The following GUCD1 variants were observed in gnomAD, a reference collection of about 807,000 sequenced individuals.
GUCD1 encodes guanylyl cyclase domain containing 1, also known as protein GUCD1.
A neutral mutation model predicts 28.3 loss-of-function variants in GUCD1; 17 were observed. That is an observed-to-expected ratio of 0.60 (90% CI 0.41 to 0.90). The LOEUF (loss-of-function observed/expected upper bound fraction) is 0.90. Ranked by LOEUF, GUCD1 falls within the 40% of genes least tolerant of loss-of-function variation. The probability of loss-of-function intolerance (pLI) is 0.00; values close to 1 mark genes in which losing one functional copy is unlikely to be tolerated. For missense variants in GUCD1, 279 were observed against 305.5 expected (o/e 0.91, Z 0.65); for synonymous variants, 129 against 123.3 (o/e 1.05, Z -0.30).
rs2044668601 is a variant in GUCD1, at chr22:24,544,219, C to T, written c.387-136G>A. 3.2e-6 allele frequency: 4 copies of T among 1,251,538 alleles called. No individual in the cohort carries two copies. In the East Asian group the frequency reaches 7.4e-5, roughly 23 times the overall value. 77.5% of individuals were successfully genotyped at this position (1,251,538 alleles called of 1,614,324 possible). On this transcript the variant is annotated intron_variant, in intron 4 of 5. Transcript: ENST00000435822. ...TTTTCCCTTTGCCCTGAACTCCCTG[C>T]TCTGTCACTGTGGCCCAGGCTCAGC...
At chr22:24,551,467 C>A (rs964545626) in intron 1 of GUCD1, among the ~76,000 whole-genome samples, 5 of 152,196 alleles carry the variant, frequency 3.3e-5, no homozygotes, top group African/African-American at 1.2e-4. Context: ...CTTACCGGGG[C>A]CCTGCCTAAC....
intron 4 of GUCD1, 78 bp from the exon 5 acceptor site, chr22:24,544,161 G>GT: frequency 6.5e-7 from 1 of 1,545,632 alleles, no homozygotes; most frequent in Non-Finnish European, 8.7e-7. Context: ...GCTTGTGCCT[G>GT]TTTCTCTGTT....
At position 24,545,529 on chromosome 22, in the gene GUCD1, CTAAA is replaced by C. The variant is rs554962006; in HGVS notation, c.386+1381_386+1384del. Among the ~76,000 whole-genome samples, 196 of 152,110 alleles carry C rather than the reference CTAAA, an allele frequency of 1.3e-3. 1 individual carries two copies. Among genetic ancestry groups the C allele is most frequent in the Middle Eastern group, 3.4e-3 (1 of 294 alleles). On this transcript the variant is annotated intron_variant, in intron 4 of 5. Coordinates refer to ENST00000435822, the MANE Select transcript of GUCD1 (RefSeq NM_001284254.2). ...AGGAGACAGCACCTGTTGAGGGCTG[CTAAA>C]TAAACATTTGCTGCCTTTCCTTCCA...
chr22:24,554,800 T>G (rs2044989760), intron 1 of GUCD1, 149 bp downstream of exon 1: 1 of 587,790 alleles, frequency 1.7e-6, no homozygotes. Context: ...ATCCTGCGAG[T>G]GTCAGGAAAC....
chr22:24,548,562 A>C (rs2044788763), intron 2 of GUCD1, among the ~76,000 whole-genome samples: 1 of 152,146 alleles, frequency 6.6e-6, no homozygotes, highest in Non-Finnish European at 1.5e-5. Context: ...GGTTTCTGTG[A>C]TATTCACACA....
chr22:24,540,878 C>G lies in GUCD1; in HGVS notation c.*2128G>C, dbSNP rs942364214. The G allele has an allele frequency of 2.4e-5, 4 of 165,664 alleles. No homozygotes were observed. The highest frequency in any genetic ancestry group is 9.6e-5 in the African/African-American group (4 of 41,516). 10.3% of individuals were successfully genotyped at this position (165,664 alleles called of 1,614,324 possible). A position where few individuals can be genotyped will look rare whatever the true frequency, so the allele number is the denominator to read the frequency against. ...TTTTGGCTGGACTGAGGTGCTGTTA[C>G]CACCCTCCATGAAGGCCACTCCCTA... On this transcript the variant is annotated 3_prime_UTR_variant, in exon 6 of 6. Transcript: ENST00000435822.
At position 24,543,825 on chromosome 22, in the gene GUCD1, C is replaced by T. The variant is rs763025677; in HGVS notation, c.628+17G>A. On this transcript the variant is annotated intron_variant, in intron 5 of 5. Coordinates refer to ENST00000435822, the MANE Select transcript of GUCD1 (RefSeq NM_001284254.2). ...AATGTGGACCACTCTGCCTCACCCA[C>T]CCCACCCAGCACTCACGGTCGGCAT... The T allele has an allele frequency of 1.2e-6, 2 of 1,611,900 alleles. No homozygotes were observed. The highest frequency in any genetic ancestry group is 2.2e-5 in the East Asian group (1 of 44,844).
intron 1 of GUCD1, among the ~76,000 whole-genome samples, chr22:24,550,171 T>C (rs1254549067): frequency 6.6e-6 from 1 of 152,098 alleles, no homozygotes; most frequent in East Asian, 1.9e-4. Flanking sequence ...CTGGAATGAG[T>C]CTGGCCATCC....
intron 4 of GUCD1, among the ~76,000 whole-genome samples, chr22:24,545,393 G>C (rs1380931599): frequency 6.6e-6 from 1 of 152,156 alleles, no homozygotes; most frequent in Admixed American, 6.5e-5. Flanking sequence ...GGAATAACAA[G>C]CATGGGTTCA....
intron 2 of GUCD1, 40 bp downstream of exon 2, chr22:24,548,876 AG>A (rs1401058625): frequency 2.1e-6 from 3 of 1,448,688 alleles, no homozygotes; most frequent in Non-Finnish European, 2.8e-6. Flanking sequence ...CAGAAGATGT[AG>A]ATGGGAAGCA....
intron 4 of GUCD1, 67 bp downstream of exon 4, chr22:24,546,847 C>A (rs947630429): frequency 4.4e-6 from 6 of 1,374,382 alleles, no homozygotes; most frequent in Non-Finnish European, 5.2e-6. Context: ...CCCGAGGCCT[C>A]CCCACTGCAG....
At chr22:24,552,373 A>C (rs1939609110) in intron 1 of GUCD1, among the ~76,000 whole-genome samples, 2 of 152,248 alleles carry the variant, frequency 1.3e-5, no homozygotes, top group Admixed American at 1.3e-4. Context: ...TAGAAGCACA[A>C]ATGAACTGAG....
At chr22:24,554,416 G>T (rs2044972511) in intron 1 of GUCD1, among the ~76,000 whole-genome samples, 1 of 152,214 alleles carries the variant, frequency 6.6e-6, no homozygotes, top group Non-Finnish European at 1.5e-5. Flanking sequence ...AACTCCGTTT[G>T]TCATCAACCC....
At chr22:24,554,687 A>C (rs1365550029) in intron 1 of GUCD1, among the ~76,000 whole-genome samples, 1 of 152,138 alleles carries the variant, frequency 6.6e-6, no homozygotes, top group Non-Finnish European at 1.5e-5. Context: ...ACGGTTTCCC[A>C]AGGCATGGGA....
At position 24,546,310 on chromosome 22, in the gene GUCD1, A is replaced by G. The variant is rs576483453; in HGVS notation, c.386+604T>C. The stretch of plus-strand genomic sequence containing the variant: ...CCTATCATGTGATTATACTACGTCA[A>G]TAATGAAAATATAAATCCGCAAAGA... On this transcript the variant is annotated intron_variant, in intron 4 of 5. Coordinates refer to ENST00000435822, the MANE Select transcript of GUCD1 (RefSeq NM_001284254.2). Among the ~76,000 whole-genome samples the G allele has an allele frequency of 2.6e-5, 4 of 152,344 alleles. No homozygotes were observed. The East Asian group carries it at 7.7e-4, about 29-fold the overall frequency.
intron 3 of GUCD1, chr22:24,547,339 G>C (rs897649837): frequency 1.0e-5 from 3 of 298,710 alleles, no homozygotes; most frequent in African/African-American, 6.4e-5. Context: ...ATAAGCAAGG[G>C]GGATGAGGCT....
In GUCD1 at chr22:24,545,873, G is replaced by A. The variant is rs188917674; in HGVS notation, c.386+1041C>T. On this transcript the variant is annotated intron_variant, in intron 4 of 5. Coordinates refer to ENST00000435822, the MANE Select transcript of GUCD1 (RefSeq NM_001284254.2). Reference sequence around the variant, plus strand: ...CCCAAAGTGCTGGGATTACAAGCGTGAGCCACCGTGCCCGGCCTGTTTTGT... The same window carrying A: ...CCCAAAGTGCTGGGATTACAAGCGTAAGCCACCGTGCCCGGCCTGTTTTGT... 2.8e-4 allele frequency among the ~76,000 whole-genome samples: 43 copies of A among 151,812 alleles called. No individual in the cohort carries two copies. In the East Asian group the frequency reaches 8.2e-3, roughly 29 times the overall value.
chr22:24,553,745 CG>C (rs1457560495), intron 1 of GUCD1, among the ~76,000 whole-genome samples: 62 of 152,368 alleles, frequency 4.1e-4, no homozygotes, highest in African/African-American at 1.4e-3. Flanking sequence ...GACTCAGCTG[CG>C]CCTCCTCCTC....
chr22:24,544,761 C>T (rs1158367056), intron 4 of GUCD1, among the ~76,000 whole-genome samples: 3 of 152,280 alleles, frequency 2.0e-5, no homozygotes, highest in Non-Finnish European at 2.9e-5. Context: ...CCTGTAATCC[C>T]AGTGCTTTGG....
Sources: allele counts gnomAD v4.1 joint callset (sites outside exome capture counted in the v4.1 genomes callset), GRCh38; gene constraint gnomAD v4.1.1; transcripts MANE v1.5; gene names NCBI Gene and HGNC (gene_info 2026-07-23, HGNC 2026-07-21).